DIAPH2: variants seen among roughly 807,000 people sequenced by gnomAD.
DIAPH2 encodes diaphanous related formin 2.
A neutral mutation model predicts 92.7 loss-of-function variants in DIAPH2; 35 were observed. The observed-to-expected ratio is 0.38, with a 90% confidence interval of 0.29 to 0.50. The LOEUF (loss-of-function observed/expected upper bound fraction) is 0.50, where lower values mean the gene tolerates loss of function less well. DIAPH2 is among the 20% of genes least tolerant of loss of function. DIAPH2 has a pLI of 0.94. For synonymous variants in DIAPH2, 301 were observed against 280.4 expected, an observed-to-expected ratio of 1.07 and a Z score of -0.73; for missense variants, 701 against 819.5, an observed-to-expected ratio of 0.86 and a Z score of 1.77.
chrX:97,486,925 C>T (rs761493746), intron 26 of DIAPH2, among the ~76,000 whole-genome samples: 1 of 112,178 alleles, frequency 8.9e-6, no homozygotes, highest in South Asian at 3.7e-4. Flanking sequence ...CTCCCCACTC[C>T]TCCTTCTCCC....
chrX:97,456,842 T>G (rs1569402432), intron 26 of DIAPH2, among the ~76,000 whole-genome samples: 1 of 111,796 alleles, frequency 8.9e-6, no homozygotes, highest in Non-Finnish European at 1.9e-5. Context: ...CTCTCAGACA[T>G]TATGTTTTTT....
chrX:96,870,072 G>A (rs2065129908), intron 4 of DIAPH2, among the ~76,000 whole-genome samples: 1 of 110,982 alleles, frequency 9.0e-6, no homozygotes, highest in African/African-American at 3.3e-5. Context: ...TCTATAGCCT[G>A]GGTTCTAGCC....
chrX:97,152,637 CAAGA>C (rs1163404114), intron 22 of DIAPH2, among the ~76,000 whole-genome samples: 1 of 111,789 alleles, frequency 8.9e-6, no homozygotes, highest in Non-Finnish European at 1.9e-5. Context: ...GAGAGAGAAA[CAAGA>C]GAGAGTACAA....
At chrX:97,218,150 A>C (rs1325544681) in intron 22 of DIAPH2, among the ~76,000 whole-genome samples, 1 of 105,429 alleles carries the variant, frequency 9.5e-6, no homozygotes, top group Non-Finnish European at 1.9e-5. Context: ...AGTGCAATGG[A>C]GCAATCTCGT....
intron 23 of DIAPH2, among the ~76,000 whole-genome samples, chrX:97,334,687 C>A (rs749852966): frequency 0.038 from 3,681 of 95,781 alleles, 54 homozygotes; most frequent in Middle Eastern, 0.051. Context: ...CAAAACAAAA[C>A]AAAAAAAAAA....
At chrX:97,010,703 T>C (rs2066218951) in intron 17 of DIAPH2, among the ~76,000 whole-genome samples, 1 of 112,270 alleles carries the variant, frequency 8.9e-6, no homozygotes. Flanking sequence ...GGAAATTTAG[T>C]ACTTGTAAAA....
At chrX:97,057,489 AC>A (rs1296327834) in intron 17 of DIAPH2, among the ~76,000 whole-genome samples, 2 of 111,736 alleles carry the variant, frequency 1.8e-5, no homozygotes, top group Non-Finnish European at 3.8e-5. Context: ...TTGGCAGGCC[AC>A]CTAACTGGTC....
At chrX:96,805,438 G>GT (rs1329205755) in intron 4 of DIAPH2, among the ~76,000 whole-genome samples, 27 of 109,397 alleles carry the variant, frequency 2.5e-4, no homozygotes, top group South Asian at 4.0e-4. Context: ...TATTTAGTAG[G>GT]TTTTTTTTTA....
At chrX:97,221,563 C>CTTAATTA (rs1174550162) in intron 22 of DIAPH2, among the ~76,000 whole-genome samples, 1 of 111,701 alleles carries the variant, frequency 9.0e-6, no homozygotes, top group African/African-American at 3.3e-5. Flanking sequence ...ATACTATTTG[C>CTTAATTA]ACAAATGTTG....
intron 4 of DIAPH2, among the ~76,000 whole-genome samples, chrX:96,768,614 C>A (rs1252771807): frequency 2.7e-5 from 3 of 111,483 alleles, no homozygotes; most frequent in Non-Finnish European, 5.6e-5. Flanking sequence ...GATAGGCGAG[C>A]TCTTTGGGCA....
intron 22 of DIAPH2, among the ~76,000 whole-genome samples, chrX:97,150,901 T>C (rs1424427831): frequency 1.8e-5 from 2 of 112,200 alleles, no homozygotes; most frequent in African/African-American, 3.2e-5. Context: ...AACATTAACG[T>C]AATCCTTGTT....
At chrX:97,161,949 A>C (rs2067377402) in intron 22 of DIAPH2, among the ~76,000 whole-genome samples, 1 of 111,637 alleles carries the variant, frequency 9.0e-6, no homozygotes, top group Non-Finnish European at 1.9e-5. Context: ...AATTTTTATA[A>C]GAGATATTTG....
chrX:97,041,152 A>G (rs1319906460), intron 17 of DIAPH2, among the ~76,000 whole-genome samples: 2 of 110,815 alleles, frequency 1.8e-5, no homozygotes, highest in Non-Finnish European at 3.8e-5. Context: ...TCCTGTAACT[A>G]TTTATTGAGT....
chrX:97,134,505 A>T (rs147988853), intron 21 of DIAPH2, among the ~76,000 whole-genome samples: 5,057 of 111,000 alleles, frequency 0.046, 110 homozygotes, highest in Non-Finnish European at 0.063. Context: ...AGAATCACCT[A>T]GAGGTGATAT....
At chrX:97,581,131 C>G (rs1421978764) in intron 26 of DIAPH2, among the ~76,000 whole-genome samples, 1 of 100,821 alleles carries the variant, frequency 9.9e-6, no homozygotes, top group African/African-American at 3.6e-5. Context: ...CTCCTGGATT[C>G]ATTAATTTTT....
At chrX:97,467,625 G>A (rs1409513203) in intron 26 of DIAPH2, among the ~76,000 whole-genome samples, 1 of 111,948 alleles carries the variant, frequency 8.9e-6, no homozygotes, top group Non-Finnish European at 1.9e-5. Flanking sequence ...ATAGCTATAA[G>A]ATGAACAGCA....
chrX:97,246,593 C>T (rs1203944196), intron 22 of DIAPH2, among the ~76,000 whole-genome samples: 3 of 112,223 alleles, frequency 2.7e-5, no homozygotes, highest in African/African-American at 9.7e-5. Flanking sequence ...AAGATGTGCC[C>T]ATCAACATGA....
chrX:97,299,911 G>C (rs1018050665), intron 23 of DIAPH2, among the ~76,000 whole-genome samples: 2 of 111,726 alleles, frequency 1.8e-5, no homozygotes, highest in African/African-American at 3.2e-5. Context: ...TTGTACTCCA[G>C]TTGAAAATCC....
intron 23 of DIAPH2, among the ~76,000 whole-genome samples, chrX:97,293,003 G>C (rs907558518): frequency 2.7e-5 from 3 of 110,485 alleles, no homozygotes; most frequent in African/African-American, 9.8e-5. Context: ...AGAATTAACT[G>C]ACAAGTCAGA....
Sources: gnomAD v4.1 joint callset for allele counts (sites outside exome capture counted in the v4.1 genomes callset) on GRCh38, gnomAD v4.1.1 for gene constraint, MANE v1.5 for transcripts, NCBI Gene and HGNC (gene_info 2026-07-23, HGNC 2026-07-21) for gene names.